Variants in METTL21A observed in about 807,000 individuals in gnomAD.
The protein encoded by METTL21A is methyltransferase 21A, HSPA lysine.
In METTL21A, 22 loss-of-function variants were observed where a neutral mutation model predicts 20.9. The ratio of observed to expected loss-of-function variants is 1.05; its 90% CI spans 0.75 to 1.50. The LOEUF (loss-of-function observed/expected upper bound fraction) is 1.50. METTL21A is among the 40% of genes most tolerant of loss of function. The pLI is 0.00. For missense variants in METTL21A, 271 were observed against 266.8 expected (o/e 1.02, Z -0.11); for synonymous variants, 93 against 102.0 (o/e 0.91, Z 0.53).
At chr2:207,620,965 C>T (rs1183894718) in intron 3 of METTL21A, among the ~76,000 whole-genome samples, 2 of 152,160 alleles carry the variant, frequency 1.3e-5, no homozygotes, top group East Asian at 1.9e-4. Flanking sequence ...GTGTCGGCAT[C>T]ACTACTGACA....
At chr2:207,620,966 A>C (rs545476793) in intron 3 of METTL21A, among the ~76,000 whole-genome samples, 4 of 152,248 alleles carry the variant, frequency 2.6e-5, no homozygotes, top group African/African-American at 9.6e-5. Context: ...TGTCGGCATC[A>C]CTACTGACAT....
At chr2:207,587,317 C>T (rs1307692941) in intron 3 of METTL21A, among the ~76,000 whole-genome samples, 6 of 150,616 alleles carry the variant, frequency 4.0e-5, no homozygotes, top group Non-Finnish European at 7.4e-5. Flanking sequence ...GGCGTGAACC[C>T]GGAAGGCAGA....
At chr2:207,623,498 TAAAG>T (rs2090753600) in intron 2 of METTL21A, among the ~76,000 whole-genome samples, 1 of 152,246 alleles carries the variant, frequency 6.6e-6, no homozygotes, top group South Asian at 2.1e-4. Flanking sequence ...ATGGAAAACT[TAAAG>T]AAAACACATA....
At chr2:207,603,186 G>T (rs912306467) in intron 3 of METTL21A, 1 of 213,232 alleles carries the variant, frequency 4.7e-6, no homozygotes, top group African/African-American at 2.3e-5. Flanking sequence ...AAATCTTTTT[G>T]TGCTTTATGT....
At chr2:207,614,810 G>A (rs1457685932) in intron 3 of METTL21A, among the ~76,000 whole-genome samples, 1 of 152,122 alleles carries the variant, frequency 6.6e-6, no homozygotes, top group Non-Finnish European at 1.5e-5. Context: ...TATAATATGT[G>A]TAGTACTCTT....
At chr2:207,620,975 A>G (rs1000195748) in intron 3 of METTL21A, among the ~76,000 whole-genome samples, 10 of 152,124 alleles carry the variant, frequency 6.6e-5, no homozygotes, top group Admixed American at 1.3e-4. Flanking sequence ...CACTACTGAC[A>G]TTTCTACTGC....
chr2:207,589,956 G>A (rs1212135143), intron 3 of METTL21A, among the ~76,000 whole-genome samples: 2 of 152,006 alleles, frequency 1.3e-5, no homozygotes, highest in South Asian at 2.1e-4. Flanking sequence ...TTATAAATGA[G>A]GTGGAAGTCT....
intron 3 of METTL21A, 138 bp from the exon 4 acceptor site, chr2:207,613,581 A>T (rs570563304): frequency 3.7e-4 from 275 of 746,444 alleles, no homozygotes; most frequent in Non-Finnish European, 5.3e-4. Context: ...TTTCATGGAC[A>T]GCTGCAATAG....
rs145612892 is a variant in METTL21A at position 207,582,128 on chromosome 2, A to G, written c.*19T>C. ...TACCATTTTTCTCTTTGTCCAGCCC[A>G]TATTCAAGGGGAGGAGAATTAAATT... On this transcript the variant is annotated 3_prime_UTR_variant, in exon 4 of 4. Transcript: ENST00000425132. The G allele has an allele frequency of 1.9e-4, 136 of 702,956 alleles. No homozygotes were observed. The East Asian group carries it at 3.6e-3, about 18-fold the overall frequency. 43.5% of individuals were successfully genotyped at this position (702,956 alleles called of 1,614,324 possible).
intron 3 of METTL21A, chr2:207,602,420 T>A (rs566070101): frequency 5.0e-6 from 1 of 201,966 alleles, no homozygotes; most frequent in African/African-American, 2.3e-5. Flanking sequence ...AAAAGGAAAA[T>A]GAACAATCTT....
intron 3 of METTL21A, chr2:207,600,828 T>C (rs2086920236): frequency 4.8e-6 from 1 of 206,670 alleles, no homozygotes; most frequent in Non-Finnish European, 9.9e-6. Context: ...TTCTACCTTT[T>C]GGGGTGACAT....
chr2:207,612,601 T>C (rs2089126200), downstream of METTL21A: 1 of 154,646 alleles, frequency 6.5e-6, no homozygotes, highest in African/African-American at 2.4e-5. Context: ...AATGTATAGG[T>C]TAAACCTTTT....
chr2:207,583,644 G>T (rs1424895522), intron 3 of METTL21A, among the ~76,000 whole-genome samples: 1 of 152,092 alleles, frequency 6.6e-6, no homozygotes, highest in African/African-American at 2.4e-5. Context: ...TCTTCAGTCT[G>T]GGATTTTCTG....
chr2:207,593,472 G>T (rs1008279581), intron 3 of METTL21A, among the ~76,000 whole-genome samples: 10 of 152,208 alleles, frequency 6.6e-5, no homozygotes, highest in Admixed American at 6.5e-4. Context: ...CAAGGCTGCA[G>T]TGAGCCCTCA....
At chr2:207,596,445 T>G (rs1377713780) in intron 3 of METTL21A, among the ~76,000 whole-genome samples, 1 of 152,252 alleles carries the variant, frequency 6.6e-6, no homozygotes, top group East Asian at 1.9e-4. Flanking sequence ...TTTTGTTTGT[T>G]TCTTTGAGAC....
exon 4 of METTL21A, chr2:207,613,108 C>A (rs374672393): frequency 6.2e-7 from 1 of 1,604,872 alleles, no homozygotes; most frequent in Non-Finnish European, 8.5e-7. Context: ...TTTTCAGGAT[C>A]GTAGTGAACC....
At chr2:207,616,206 C>T (rs996050833) in intron 3 of METTL21A, among the ~76,000 whole-genome samples, 2 of 152,062 alleles carry the variant, frequency 1.3e-5, no homozygotes, top group East Asian at 1.9e-4. Context: ...ATGCAGACAG[C>T]CTTTTCCAAG....
intron 3 of METTL21A, among the ~76,000 whole-genome samples, chr2:207,583,814 A>G (rs2083354319): frequency 6.6e-6 from 1 of 152,218 alleles, no homozygotes. Flanking sequence ...AATACTAAGT[A>G]TTCTCTTATA....
chr2:207,584,945 C>G (rs566326577), intron 3 of METTL21A, among the ~76,000 whole-genome samples: 9 of 152,114 alleles, frequency 5.9e-5, no homozygotes, highest in Admixed American at 3.9e-4. Context: ...TCAGTTGTGT[C>G]CTTTTGTACA....
Sources: allele counts gnomAD v4.1 joint callset (sites outside exome capture counted in the v4.1 genomes callset), GRCh38; gene constraint gnomAD v4.1.1; transcripts MANE v1.5; gene names NCBI Gene and HGNC (gene_info 2026-07-23, HGNC 2026-07-21).